Variants in GSDMC observed in about 807,000 individuals in gnomAD.
GSDMC encodes gasdermin C, also known as gasdermin-C.
A neutral mutation model predicts 58.0 loss-of-function variants in GSDMC; 59 were observed. The ratio of observed to expected loss-of-function variants is 1.02; its 90% CI spans 0.82 to 1.26. The LOEUF (loss-of-function observed/expected upper bound fraction) is 1.26. Ranked by LOEUF, GSDMC falls within the 50% of genes most tolerant of loss-of-function variation. GSDMC has a pLI of 0.00. For missense variants in GSDMC, 659 were observed against 598.5 expected (o/e 1.10, Z -1.06); for synonymous variants, 241 against 220.2 (o/e 1.09, Z -0.83).
At chr8:129,757,578 C>T (rs987508247) in intron 6 of GSDMC, among the ~76,000 whole-genome samples, 2 of 151,676 alleles carry the variant, frequency 1.3e-5, no homozygotes, top group Admixed American at 1.3e-4. Context: ...GATACCAAAA[C>T]TAAATTAAGA....
At chr8:129,741,068 C>T in the GSDMC span, among the ~76,000 whole-genome samples, 1 of 152,032 alleles carries the variant, frequency 6.6e-6, no homozygotes, top group African/African-American at 2.4e-5. Context: ...ATGTGGATAT[C>T]CAGTTTTCCC....
rs1445547755 is a variant in GSDMC at position 129,776,254 on chromosome 8, A to C, written c.252T>G (p.Ser84Arg). Residue 84 changes from serine to arginine, a missense_variant, in exon 3 of 14, where the codon AGT (serine) becomes AGG (arginine). Physicochemically the swap from Ser to Arg is moderately radical, Grantham distance 110 (BLOSUM62 -1). Transcript: ENST00000276708. Reference sequence around the variant, plus strand: ...CCTTATGCTTCTGGATCATAATGTCACTGAAGTGGAACGGTCCTGTCACAA... The same window carrying C: ...CCTTATGCTTCTGGATCATAATGTCCCTGAAGTGGAACGGTCCTGTCACAA... ...ETVVTGPFHF[S>R]DIMIQKHKAD... 8.1e-6 allele frequency: 13 copies of C among 1,613,290 alleles called. No individual in the cohort carries two copies. Among genetic ancestry groups the C allele is most frequent in the Non-Finnish European group, 1.0e-5 (12 of 1,179,626 alleles).
chr8:129,777,469 C>A lies in GSDMC; in HGVS notation c.119G>T (p.Arg40Leu). ...TGATGAACGAGAATCCTTCTTCTTTCGTAATATAACAAACTGACGTAATTT... is the reference window on the plus strand; with the variant it reads ...TGATGAACGAGAATCCTTCTTCTTTAGTAATATAACAAACTGACGTAATTT... The part of the protein sequence containing the change: ...ATKLRQFVIL[R>L]KKKDSRSSFW... Residue 40 changes from arginine to leucine, a missense_variant, in exon 2 of 14, where the codon CGA becomes CTA. Physicochemically the swap from Arg to Leu is moderately radical, Grantham distance 102. Transcript: ENST00000276708. The A allele has an allele frequency of 6.2e-7, 1 of 1,612,546 alleles. No individual in the cohort carries two copies. The highest frequency in any genetic ancestry group is 8.5e-7 in the Non-Finnish European group (1 of 1,178,580).
downstream of GSDMC, among the ~76,000 whole-genome samples, chr8:129,743,736 T>C (rs1215191793): frequency 1.3e-5 from 2 of 152,220 alleles, no homozygotes; most frequent in Non-Finnish European, 2.9e-5. Flanking sequence ...ATCCACTTGA[T>C]TCTTTTGAGG....
At chr8:129,733,404 C>T in the GSDMC span, among the ~76,000 whole-genome samples, 1 of 152,182 alleles carries the variant, frequency 6.6e-6, no homozygotes, top group Non-Finnish European at 1.5e-5. Context: ...GGAGACACTT[C>T]CCAGTAGGGG....
the GSDMC span, among the ~76,000 whole-genome samples, chr8:129,736,151 A>G: frequency 9.2e-5 from 14 of 152,206 alleles, no homozygotes; most frequent in African/African-American, 3.1e-4. Context: ...GCAATAATTA[A>G]TAGCCTACCA....
the GSDMC span, among the ~76,000 whole-genome samples, chr8:129,711,783 A>T: frequency 6.6e-6 from 1 of 152,240 alleles, no homozygotes; most frequent in Non-Finnish European, 1.5e-5. Context: ...TTTAGTCCTC[A>T]TACTACCATT....
At chr8:129,784,670 T>A (rs1479259800) in intron 1 of GSDMC, among the ~76,000 whole-genome samples, 1 of 152,222 alleles carries the variant, frequency 6.6e-6, no homozygotes, top group African/African-American at 2.4e-5. Flanking sequence ...ACAGCCACTA[T>A]GGAGAACAGT....
At position 129,748,455 on chromosome 8, in the gene GSDMC, TG is replaced by T; in HGVS notation, c.*45del. 1 of 1,551,362 alleles carries T rather than the reference TG, an allele frequency of 6.4e-7. No homozygotes were observed. The highest frequency in any genetic ancestry group is 8.7e-7 in the Non-Finnish European group (1 of 1,151,668). ...CCATAAGGACACTCACAGCATAGACTGGGCGAGGGCCAGCATCTCTGGACTG... is the reference window on the plus strand; with the variant it reads ...CCATAAGGACACTCACAGCATAGACTGGCGAGGGCCAGCATCTCTGGACTG... On this transcript the variant is annotated 3_prime_UTR_variant, in exon 14 of 14. Coordinates refer to ENST00000276708, the MANE Select transcript of GSDMC (RefSeq NM_031415.3).
At chr8:129,725,282 G>A in the GSDMC span, among the ~76,000 whole-genome samples, 1 of 152,158 alleles carries the variant, frequency 6.6e-6, no homozygotes, top group Admixed American at 6.5e-5. Context: ...ATAGATTAAA[G>A]GCAAGATTTA....
the GSDMC span, among the ~76,000 whole-genome samples, chr8:129,734,314 A>G: frequency 1.3e-5 from 2 of 152,192 alleles, no homozygotes; most frequent in Admixed American, 6.5e-5. Context: ...AAATTCGGGA[A>G]ATACAGAGAA....
In GSDMC at chr8:129,752,064, T is replaced by C. The variant is rs746634014; in HGVS notation, c.886+42A>G. 5.0e-6 allele frequency: 8 copies of C among 1,585,662 alleles called. No homozygotes were observed. The African/African-American group carries it at 9.4e-5, about 19-fold the overall frequency. ...CAAAGGCAATCAGGTGGTTTTTTGT[T>C]GTGCAGATTGTCCTGGAAGGGGAGG... On this transcript the variant is annotated intron_variant, in intron 8 of 13. Coordinates refer to ENST00000276708, the MANE Select transcript of GSDMC (RefSeq NM_031415.3).
At chr8:129,742,719 C>T in the GSDMC span, among the ~76,000 whole-genome samples, 1 of 152,300 alleles carries the variant, frequency 6.6e-6, no homozygotes, top group Admixed American at 6.5e-5. Context: ...CCTTGGTTTT[C>T]TTCCATTTCT....
the GSDMC span, among the ~76,000 whole-genome samples, chr8:129,714,379 T>G: frequency 6.6e-6 from 1 of 152,246 alleles, no homozygotes; most frequent in East Asian, 1.9e-4. Context: ...TTTTATTAAT[T>G]CACTCATTCA....
At chr8:129,764,963 G>C (rs2033804854) in intron 4 of GSDMC, among the ~76,000 whole-genome samples, 1 of 152,046 alleles carries the variant, frequency 6.6e-6, no homozygotes, top group Non-Finnish European at 1.5e-5. Context: ...CATTGGCATT[G>C]GGAAACTTAG....
intron 3 of GSDMC, among the ~76,000 whole-genome samples, chr8:129,775,649 C>A (rs1422763302): frequency 6.6e-6 from 1 of 152,052 alleles, no homozygotes; most frequent in Non-Finnish European, 1.5e-5. Context: ...TCAATTATAT[C>A]TCAATACAGC....
chr8:129,753,652 G>T (rs1563791012), intron 6 of GSDMC, among the ~76,000 whole-genome samples: 1 of 152,212 alleles, frequency 6.6e-6, no homozygotes, highest in Non-Finnish European at 1.5e-5. Context: ...TGCATCTTAG[G>T]TACCAGTTCA....
At chr8:129,777,300 G>T in intron 2 of GSDMC, 68 bp downstream of exon 2, 1 of 939,086 alleles carries the variant, frequency 1.1e-6, no homozygotes. Flanking sequence ...TCTTTGGATG[G>T]TGGGCCATCT....
the GSDMC span, among the ~76,000 whole-genome samples, chr8:129,740,936 C>G: frequency 3.7e-4 from 57 of 152,098 alleles, no homozygotes; most frequent in Admixed American, 3.6e-3. Flanking sequence ...TGTCATGGAG[C>G]TTTTCCCTAT....
Sources: gnomAD v4.1 joint callset for allele counts (sites outside exome capture counted in the v4.1 genomes callset) on GRCh38, gnomAD v4.1.1 for gene constraint, MANE v1.5 for transcripts, NCBI Gene and HGNC (gene_info 2026-07-23, HGNC 2026-07-21) for gene names.